Variants in PICALM observed in about 807,000 individuals in gnomAD.
The protein encoded by PICALM is phosphatidylinositol-binding clathrin assembly protein.
A neutral mutation model predicts 80.5 loss-of-function variants in PICALM; 40 were observed. The observed-to-expected ratio is 0.50, with a 90% CI of 0.39 to 0.65. The LOEUF is 0.65. Ranked by LOEUF, PICALM falls within the 30% of genes least tolerant of loss-of-function variation. The pLI is 0.00. For missense variants in PICALM, 676 were observed against 778.9 expected (o/e 0.87, Z 1.57); for synonymous variants, 288 against 260.3 (o/e 1.11, Z -1.02).
intron 1 of PICALM, among the ~76,000 whole-genome samples, chr11:86,061,787 A>G (rs1274258191): frequency 6.6e-6 from 1 of 152,220 alleles, no homozygotes; most frequent in African/African-American, 2.4e-5. Flanking sequence ...TGTCCACACA[A>G]AAGACACGCA....
At chr11:86,026,766 T>C (rs2095655220) in intron 2 of PICALM, among the ~76,000 whole-genome samples, 1 of 152,084 alleles carries the variant, frequency 6.6e-6, no homozygotes, top group Non-Finnish European at 1.5e-5. Flanking sequence ...AAGAAAGCAA[T>C]AGAGATCCTC....
chr11:86,015,163 T>A (rs1022568690), intron 4 of PICALM, among the ~76,000 whole-genome samples, 200 bp from the exon 5 acceptor site: 1 of 152,036 alleles, frequency 6.6e-6, no homozygotes, highest in African/African-American at 2.4e-5. Context: ...ATGTCAAATA[T>A]CAAGGTACTC....
chr11:85,986,365 A>ATTTTTTTTTTTTTTT lies in PICALM; in HGVS notation c.1409-2407_1409-2393dup, dbSNP rs775072780. ...AAACTATCAGGACTGCCAACTTTTA[A>ATTTTTTTTTTTTTTT]TTTTTTTTTTTTTTTTTTTTTTTTT... On this transcript the variant is annotated intron_variant, in intron 13 of 19. Coordinates refer to ENST00000393346, the MANE Select transcript of PICALM (RefSeq NM_007166.4). 5.4e-4 allele frequency among the ~76,000 whole-genome samples: 40 copies of ATTTTTTTTTTTTTTT among 73,748 alleles called. 7 individuals carry two copies. The highest frequency in any genetic ancestry group is 3.3e-3 in the East Asian group (6 of 1,800). The allele number at this position is 73,748 out of a possible 152,430, so 48.4% of individuals were successfully genotyped here.
chr11:86,063,585 G>T (rs2096400941), intron 1 of PICALM, among the ~76,000 whole-genome samples: 1 of 151,992 alleles, frequency 6.6e-6, no homozygotes, highest in African/African-American at 2.4e-5. Flanking sequence ...GGAGGAAAAA[G>T]GATACATTTG....
chr11:86,064,738 G>A (rs1467698225), intron 1 of PICALM, among the ~76,000 whole-genome samples: 3 of 150,408 alleles, frequency 2.0e-5, no homozygotes, highest in African/African-American at 7.3e-5. Flanking sequence ...AATGTCCAAC[G>A]ATAGTAAATA....
At chr11:85,987,423 A>G (rs1416068699) in intron 13 of PICALM, among the ~76,000 whole-genome samples, 2 of 151,122 alleles carry the variant, frequency 1.3e-5, no homozygotes, top group Non-Finnish European at 1.5e-5. Context: ...TACTATTGCT[A>G]TAACTATTAT....
At chr11:86,042,057 ACT>A (rs2095980476) in intron 1 of PICALM, among the ~76,000 whole-genome samples, 1 of 152,114 alleles carries the variant, frequency 6.6e-6, no homozygotes, top group Non-Finnish European at 1.5e-5. Context: ...ATTCTGGTAA[ACT>A]CTGCATTCCT....
At position 86,023,402 on chromosome 11, in the gene PICALM, A is replaced by G. The variant is rs531609910; in HGVS notation, c.350-933T>C. Reference sequence around the variant, plus strand: ...AAATAGAAAAAAAAATACTGCTCCCATATGACTTCATACCTACTACTGTAC... The same window carrying G: ...AAATAGAAAAAAAAATACTGCTCCCGTATGACTTCATACCTACTACTGTAC... On this transcript the variant is annotated intron_variant, in intron 3 of 19. Transcript: ENST00000393346. The G allele has an allele frequency of 1.6e-5, 15 of 967,138 alleles. No homozygotes were observed. The South Asian group carries it at 5.3e-4, about 34-fold the overall frequency. 59.9% of individuals were successfully genotyped at this position (967,138 alleles called of 1,614,324 possible).
chr11:86,041,618 T>A (rs1649552648), intron 1 of PICALM, among the ~76,000 whole-genome samples: 2 of 152,166 alleles, frequency 1.3e-5, no homozygotes, highest in Non-Finnish European at 2.9e-5. Flanking sequence ...TGTCTGAAAT[T>A]TAGCCTCTTA....
At chr11:86,002,880 G>A (rs555223645) in intron 9 of PICALM, among the ~76,000 whole-genome samples, 1 of 152,062 alleles carries the variant, frequency 6.6e-6, no homozygotes, top group African/African-American at 2.4e-5. Context: ...GGCCGTGGTG[G>A]CATGCATCTG....
At chr11:85,971,926 A>T (rs1356217440) in intron 19 of PICALM, among the ~76,000 whole-genome samples, 1 of 151,862 alleles carries the variant, frequency 6.6e-6, no homozygotes, top group Non-Finnish European at 1.5e-5. Context: ...GGGATTCCAG[A>T]CATGCACCAC....
intron 15 of PICALM, 32 bp downstream of exon 15, chr11:85,981,840 A>T (rs768605758): frequency 6.2e-7 from 1 of 1,612,590 alleles, no homozygotes; most frequent in Non-Finnish European, 8.5e-7. Context: ...AAACAACATA[A>T]AAGAAGATTA....
Position 86,069,030 on chromosome 11 carries a change from C to G in PICALM, c.-250G>C, listed in dbSNP as rs1290784760. ...CGCCTCAGTTCAGCCCACCCCTTCC[C>G]GGGTCAGCTGGAGCCGGGCAGGGTA... is the stretch of plus-strand genomic sequence containing the variant. On this transcript the variant is annotated 5_prime_UTR_variant, in exon 1 of 20. Coordinates refer to ENST00000393346, the MANE Select transcript of PICALM (RefSeq NM_007166.4). 10 of 489,940 alleles carry G rather than the reference C, an allele frequency of 2.0e-5. No individual in the cohort carries two copies. The highest frequency in any genetic ancestry group is 3.8e-5 in the Admixed American group (1 of 26,270). The allele number at this position is 489,940 out of a possible 1,614,324, so 30.3% of individuals were successfully genotyped here. A position where few individuals can be genotyped will look rare whatever the true frequency, so the allele number is the denominator to read the frequency against.
At chr11:86,015,025 T>TC (rs1312653548) in intron 4 of PICALM, 62 bp from the exon 5 acceptor site, 24 of 969,674 alleles carry the variant, frequency 2.5e-5, no homozygotes, top group South Asian at 7.6e-5. Flanking sequence ...CATTTCAAAC[T>TC]CCCCCCCTGG....
chr11:85,981,787 G>C lies in PICALM; in HGVS notation c.1649-12C>G. 6.2e-7 allele frequency: 1 copy of C among 1,612,802 alleles called. No individual in the cohort carries two copies. The highest frequency in any genetic ancestry group is 8.5e-7 in the Non-Finnish European group (1 of 1,178,908). On this transcript the variant is annotated splice_polypyrimidine_tract_variant and intron_variant, in intron 15 of 19. Coordinates refer to ENST00000393346, the MANE Select transcript of PICALM (RefSeq NM_007166.4). ...TCCGATGCCAAGATCTAGGAAAGGA[G>C]AAAAACAAAAAAGCATTTTATAACA...
intron 19 of PICALM, among the ~76,000 whole-genome samples, chr11:85,966,428 A>G (rs17817600): frequency 0.099 from 15,017 of 152,222 alleles, 929 homozygotes; most frequent in Admixed American, 0.14. Flanking sequence ...ATTTCCAAAA[A>G]CAGGGCAACC....
chr11:85,985,437 C>T (rs2094547666), intron 13 of PICALM, among the ~76,000 whole-genome samples: 1 of 152,122 alleles, frequency 6.6e-6, no homozygotes, highest in Admixed American at 6.5e-5. Context: ...AGAGAATGTA[C>T]CAGTTTGATC....
intron 1 of PICALM, among the ~76,000 whole-genome samples, chr11:86,039,192 A>G (rs556101905): frequency 6.6e-5 from 10 of 152,128 alleles, no homozygotes; most frequent in African/African-American, 2.2e-4. Flanking sequence ...CTGTGTTCTT[A>G]GCAACATGAA....
intron 1 of PICALM, among the ~76,000 whole-genome samples, chr11:86,067,801 T>C (rs991846210): frequency 6.6e-6 from 1 of 152,184 alleles, no homozygotes; most frequent in African/African-American, 2.4e-5. Flanking sequence ...AAAATGCCTT[T>C]TTCCATATCC....
Sources: allele counts gnomAD v4.1 joint callset (sites outside exome capture counted in the v4.1 genomes callset), GRCh38; gene constraint gnomAD v4.1.1; transcripts MANE v1.5; gene names NCBI Gene and HGNC (gene_info 2026-07-23, HGNC 2026-07-21).